The following RIMS2 variants were observed in gnomAD, a reference collection of about 807,000 sequenced individuals.
The protein encoded by RIMS2 is regulating synaptic membrane exocytosis protein 2.
In RIMS2, 59 loss-of-function variants were observed where a neutral mutation model predicts 174.4. The observed-to-expected ratio is 0.34, with a 90% confidence interval of 0.27 to 0.42. The LOEUF (loss-of-function observed/expected upper bound fraction) is 0.42. Ranked by LOEUF, RIMS2 falls within the 10% of genes least tolerant of loss-of-function variation. RIMS2 has a pLI of 1.00. For missense variants in RIMS2, 1,620 were observed against 1,666.3 expected (o/e 0.97, Z 0.48); for synonymous variants, 606 against 572.5 (o/e 1.06, Z -0.84).
chr8:103,908,478 A>T (rs1325827330), intron 4 of RIMS2, among the ~76,000 whole-genome samples: 1 of 152,238 alleles, frequency 6.6e-6, no homozygotes, highest in African/African-American at 2.4e-5. Context: ...CCTGAAAGTT[A>T]TGAATCCTAT....
intron 19 of RIMS2, chr8:104,015,547 T>C: frequency 1.7e-6 from 1 of 589,462 alleles, no homozygotes; most frequent in Non-Finnish European, 3.0e-6. Flanking sequence ...TGATGTCCTT[T>C]CGTTGTGTAG....
chr8:103,812,860 A>G (rs1356984159), intron 3 of RIMS2, among the ~76,000 whole-genome samples: 1 of 152,144 alleles, frequency 6.6e-6, no homozygotes, highest in South Asian at 2.1e-4. Context: ...TGAAGATACT[A>G]TTTTCAAAAT....
At chr8:103,740,008 T>C (rs2097741760) in intron 2 of RIMS2, among the ~76,000 whole-genome samples, 1 of 152,188 alleles carries the variant, frequency 6.6e-6, no homozygotes. Flanking sequence ...TTTATAAATA[T>C]GAACCTTGTC....
intron 19 of RIMS2, among the ~76,000 whole-genome samples, chr8:104,077,230 C>CGTG (rs562409604): frequency 3.5e-3 from 538 of 151,786 alleles, no homozygotes; most frequent in African/African-American, 6.0e-3. Flanking sequence ...TGGTTGTGGT[C>CGTG]GTGGTGGTGG....
At chr8:104,188,884 T>C (rs1477047354) in intron 19 of RIMS2, among the ~76,000 whole-genome samples, 4 of 151,932 alleles carry the variant, frequency 2.6e-5, no homozygotes, top group African/African-American at 9.7e-5. Context: ...AAAGAAGCAG[T>C]AGTTGTATGG....
downstream of RIMS2, chr8:104,255,102 G>A (rs2099366108): frequency 6.6e-6 from 1 of 152,158 alleles, no homozygotes; most frequent in East Asian, 1.9e-4. Context: ...TGAAATCTAA[G>A]TCTAGCTGTC....
At chr8:103,987,886 A>G (rs1247348175) in intron 16 of RIMS2, among the ~76,000 whole-genome samples, 3 of 152,244 alleles carry the variant, frequency 2.0e-5, no homozygotes, top group Non-Finnish European at 4.4e-5. Flanking sequence ...CTAAGAATTC[A>G]CAGGATCTTT....
At chr8:103,527,032 A>G (rs974779710) in intron 1 of RIMS2, among the ~76,000 whole-genome samples, 1 of 152,236 alleles carries the variant, frequency 6.6e-6, no homozygotes, top group Non-Finnish European at 1.5e-5. Context: ...AGCCATTTTC[A>G]AAGTATCTCC....
intron 1 of RIMS2, among the ~76,000 whole-genome samples, chr8:103,510,668 T>C (rs1222246304): frequency 6.6e-6 from 1 of 152,174 alleles, no homozygotes; most frequent in Non-Finnish European, 1.5e-5. Context: ...TTTATTGCGA[T>C]GCCGTCTCTC....
Position 103,895,768 on chromosome 8 carries a change from TTTC to T in RIMS2, c.1624+9548_1624+9550del, listed in dbSNP as rs147991131. Among the ~76,000 whole-genome samples the T allele has an allele frequency of 9.9e-3, 1,505 of 151,674 alleles. 33 individuals are homozygous for T. Among genetic ancestry groups the T allele is most frequent in the East Asian group, 0.046 (239 of 5,152 alleles). On this transcript the variant is annotated intron_variant, in intron 4 of 23. Coordinates refer to ENST00000504942, the Ensembl canonical transcript of RIMS2. ...TTACAGATTTTCCTGAGGATTATGT[TTTC>T]TTTTTTCTTTTCCTTTTTATAGTAA...
chr8:103,895,383 G>T (rs1257418483), intron 4 of RIMS2, among the ~76,000 whole-genome samples: 2 of 151,482 alleles, frequency 1.3e-5, no homozygotes, highest in African/African-American at 4.9e-5. Flanking sequence ...GGCAGATTCA[G>T]TGTCTAGTGG....
chr8:103,777,813 C>T (rs915555165), intron 3 of RIMS2, among the ~76,000 whole-genome samples: 2 of 151,328 alleles, frequency 1.3e-5, no homozygotes, highest in Non-Finnish European at 3.0e-5. Flanking sequence ...ATTTGTGGAC[C>T]ATAAAAAAAA....
chr8:104,211,902 A>G (rs137855081), intron 19 of RIMS2, among the ~76,000 whole-genome samples: 377 of 152,296 alleles, frequency 2.5e-3, no homozygotes, highest in African/African-American at 8.3e-3. Flanking sequence ...ATTAAGAGAA[A>G]TGGATAGTAA....
chr8:103,784,000 G>T (rs1294312565), intron 3 of RIMS2, among the ~76,000 whole-genome samples: 4 of 151,674 alleles, frequency 2.6e-5, no homozygotes, highest in Non-Finnish European at 5.9e-5. Context: ...GTTTTGATTT[G>T]CATTTCTCTG....
intron 19 of RIMS2, among the ~76,000 whole-genome samples, chr8:104,186,254 C>T (rs767186242): frequency 5.3e-5 from 8 of 151,370 alleles, no homozygotes; most frequent in African/African-American, 1.2e-4. Context: ...GGATGGATGA[C>T]GAGAAATTAC....
At chr8:104,068,797 A>G (rs926036473) in intron 19 of RIMS2, among the ~76,000 whole-genome samples, 185 bp downstream of exon 23, 1 of 152,198 alleles carries the variant, frequency 6.6e-6, no homozygotes, top group African/African-American at 2.4e-5. Flanking sequence ...GCCTTACTTA[A>G]AAAAACTATT....
intron 4 of RIMS2, among the ~76,000 whole-genome samples, chr8:103,906,269 T>A (rs2074386297): frequency 6.6e-6 from 1 of 152,156 alleles, no homozygotes; most frequent in South Asian, 2.1e-4. Flanking sequence ...GGAGATGAAG[T>A]CTCGTTCTGT....
At chr8:103,620,510 T>G (rs999561672) in intron 1 of RIMS2, among the ~76,000 whole-genome samples, 1 of 152,176 alleles carries the variant, frequency 6.6e-6, no homozygotes, top group Non-Finnish European at 1.5e-5. Context: ...AAAACCTGTT[T>G]TTTATCCATC....
intron 15 of RIMS2, among the ~76,000 whole-genome samples, chr8:103,974,140 A>C (rs934563009): frequency 6.6e-6 from 1 of 152,090 alleles, no homozygotes; most frequent in Non-Finnish European, 1.5e-5. Flanking sequence ...TTCTTGCCCT[A>C]TTCTGCTCTT....
Sources: gnomAD v4.1 joint callset for allele counts (sites outside exome capture counted in the v4.1 genomes callset) on GRCh38, gnomAD v4.1.1 for gene constraint, MANE v1.5 for transcripts, NCBI Gene and HGNC (gene_info 2026-07-23, HGNC 2026-07-21) for gene names.